Variants in ZNF804B observed in about 807,000 individuals in gnomAD.
ZNF804B encodes zinc finger protein 804B, also known as zinc finger 804B.
In ZNF804B, 80 loss-of-function variants were observed where a neutral mutation model predicts 101.4. The observed-to-expected ratio is 0.79, with a 90% CI of 0.66 to 0.95. The LOEUF (loss-of-function observed/expected upper bound fraction) is 0.95, where lower values mean the gene tolerates loss of function less well. ZNF804B is among the 40% of genes least tolerant of loss of function. ZNF804B has a pLI of 0.00. For synonymous variants in ZNF804B, 622 were observed against 558.8 expected, an observed-to-expected ratio of 1.11 and a Z score of -1.59; for missense variants, 1,673 against 1,561.9, an observed-to-expected ratio of 1.07 and a Z score of -1.20.
rs1196833256 is a variant in ZNF804B, at chr7:89,334,453, G to T, written c.1471G>T (p.Asp491Tyr). Reference sequence around the variant, plus strand: ...TAAGCTTTCTCGGAACACAAAGGAAGACCACAATCTAGAGGACTTAAAAAC... The same window carrying T: ...TAAGCTTTCTCGGAACACAAAGGAATACCACAATCTAGAGGACTTAAAAAC... Reference protein sequence around the residue: ...DFKLSRNTKEDHNLEDLKTEL... With the variant: ...DFKLSRNTKEYHNLEDLKTEL... The change falls in exon 4 of 4, where the codon GAC becomes TAC. Residue 491 changes from aspartate (D) to tyrosine (Y), a missense_variant. By Grantham distance (160) the Asp-to-Tyr change is radical. Coordinates refer to ENST00000333190, the MANE Select transcript of ZNF804B (RefSeq NM_181646.5). The T allele has an allele frequency of 6.2e-7, 1 of 1,613,540 alleles. No homozygotes were observed. Among genetic ancestry groups the T allele is most frequent in the African/African-American group, 1.3e-5 (1 of 74,864 alleles).
chr7:89,062,449 C>T (rs1398749092), intron 1 of ZNF804B, among the ~76,000 whole-genome samples: 1 of 152,044 alleles, frequency 6.6e-6, no homozygotes, highest in Non-Finnish European at 1.5e-5. Flanking sequence ...CTCCTCTCTG[C>T]GTTTTCTTGG....
At chr7:89,117,842 A>G (rs1790334138) in intron 1 of ZNF804B, among the ~76,000 whole-genome samples, 1 of 152,190 alleles carries the variant, frequency 6.6e-6, no homozygotes, top group Non-Finnish European at 1.5e-5. Flanking sequence ...CTTTAAAACT[A>G]TTCCAGAAAA....
At chr7:88,994,337 C>A (rs1034306838) in intron 1 of ZNF804B, among the ~76,000 whole-genome samples, 2 of 151,848 alleles carry the variant, frequency 1.3e-5, no homozygotes, top group African/African-American at 4.8e-5. Context: ...TGCAAAAGCT[C>A]TTTTGTACTC....
At chr7:89,192,903 T>A (rs1310737582) in intron 1 of ZNF804B, among the ~76,000 whole-genome samples, 3 of 152,096 alleles carry the variant, frequency 2.0e-5, no homozygotes, top group African/African-American at 7.2e-5. Context: ...ACTAACCACA[T>A]GATTATCTCA....
intron 1 of ZNF804B, among the ~76,000 whole-genome samples, chr7:89,088,929 C>T (rs1318346211): frequency 2.0e-5 from 3 of 151,892 alleles, no homozygotes; most frequent in African/African-American, 7.3e-5. Flanking sequence ...CCATGGCCAG[C>T]CCAGCAAGGC....
Position 88,799,764 on chromosome 7 carries a change from T to A in ZNF804B, c.108+39680T>A, listed in dbSNP as rs372080921. ...TGATGAAATGTACATGAATCTGAGA[T>A]GTTCTTGAGACAGAGCAGGGAAAAA... On this transcript the variant is annotated intron_variant, in intron 1 of 3. Coordinates refer to ENST00000333190, the MANE Select transcript of ZNF804B (RefSeq NM_181646.5). Among the ~76,000 whole-genome samples the A allele has an allele frequency of 3.1e-4, 47 of 152,196 alleles. 2 individuals carry two copies. Among genetic ancestry groups the A allele is most frequent in the African/African-American group, 1.0e-3 (43 of 41,556 alleles).
At chr7:89,085,646 T>C (rs373602234) in intron 1 of ZNF804B, among the ~76,000 whole-genome samples, 2 of 151,934 alleles carry the variant, frequency 1.3e-5, no homozygotes, top group African/African-American at 4.8e-5. Flanking sequence ...AGTGTCTCTG[T>C]GACACTCTGC....
intron 1 of ZNF804B, among the ~76,000 whole-genome samples, chr7:88,968,350 A>T (rs1186374420): frequency 6.6e-6 from 1 of 151,580 alleles, no homozygotes; most frequent in African/African-American, 2.4e-5. Context: ...ACCCTGATTC[A>T]TCATCTTTTT....
chr7:89,209,919 C>T (rs1294961479), intron 1 of ZNF804B, among the ~76,000 whole-genome samples: 4 of 152,102 alleles, frequency 2.6e-5, no homozygotes, highest in Non-Finnish European at 5.9e-5. Flanking sequence ...GAGGCTGAGG[C>T]AGGTGGATCA....
intron 1 of ZNF804B, among the ~76,000 whole-genome samples, chr7:88,877,007 AATATATATATATATATATAATATATATAT>A (rs1562820297): frequency 1.3e-5 from 1 of 75,216 alleles, no homozygotes; most frequent in Non-Finnish European, 2.2e-5. Context: ...TGAAAAAAAA[AATATATATATATATATATAATATATATAT>A]ATATATATAT....
intron 2 of ZNF804B, among the ~76,000 whole-genome samples, chr7:89,225,183 A>G (rs1208289351): frequency 5.9e-5 from 9 of 152,008 alleles, no homozygotes; most frequent in Admixed American, 3.9e-4. Flanking sequence ...TGTTGCCACT[A>G]TCAGTGGGGG....
chr7:89,076,351 C>A (rs1789615092), intron 1 of ZNF804B, among the ~76,000 whole-genome samples: 1 of 151,696 alleles, frequency 6.6e-6, no homozygotes, highest in African/African-American at 2.4e-5. Flanking sequence ...CTCATAAGAT[C>A]TGATGTTTTT....
At chr7:89,192,928 G>C (rs934596622) in intron 1 of ZNF804B, among the ~76,000 whole-genome samples, 2 of 151,900 alleles carry the variant, frequency 1.3e-5, no homozygotes, top group South Asian at 2.1e-4. Context: ...ATGCAGAAAT[G>C]GCCTTCAAAA....
intron 1 of ZNF804B, among the ~76,000 whole-genome samples, chr7:89,156,238 C>G (rs1178677370): frequency 6.6e-6 from 1 of 151,868 alleles, no homozygotes; most frequent in African/African-American, 2.4e-5. Context: ...CTCAGCCTCC[C>G]GAGTAGCTGG....
At chr7:88,926,936 T>TGGGGG (rs200969350) in intron 1 of ZNF804B, among the ~76,000 whole-genome samples, 20 of 85,376 alleles carry the variant, frequency 2.3e-4, no homozygotes, top group East Asian at 2.1e-3. Context: ...TGCCGGGTGG[T>TGGGGG]GGGGAGCGGG....
intron 2 of ZNF804B, among the ~76,000 whole-genome samples, chr7:89,318,888 G>A (rs1214159065): frequency 6.6e-6 from 1 of 151,740 alleles, no homozygotes; most frequent in East Asian, 1.9e-4. Context: ...TGACAGCCCC[G>A]AACAGAGATT....
intron 1 of ZNF804B, among the ~76,000 whole-genome samples, chr7:88,954,924 G>A (rs1181952510): frequency 6.6e-6 from 1 of 151,418 alleles, no homozygotes; most frequent in East Asian, 2.0e-4. Flanking sequence ...ATTAAGTATA[G>A]CGAGGGAAGA....
chr7:88,847,827 T>G (rs1391122067), intron 1 of ZNF804B, among the ~76,000 whole-genome samples: 1 of 152,196 alleles, frequency 6.6e-6, no homozygotes, highest in African/African-American at 2.4e-5. Context: ...TTGTTGTGGT[T>G]GTTTTTCAGT....
intron 2 of ZNF804B, among the ~76,000 whole-genome samples, chr7:89,229,218 G>A (rs1261207568): frequency 6.6e-6 from 1 of 152,222 alleles, no homozygotes; most frequent in Non-Finnish European, 1.5e-5. Context: ...TGCCGCCAAA[G>A]TGGAAGCCCA....
Sources: allele counts gnomAD v4.1 joint callset (sites outside exome capture counted in the v4.1 genomes callset), GRCh38; gene constraint gnomAD v4.1.1; transcripts MANE v1.5; gene names NCBI Gene and HGNC (gene_info 2026-07-23, HGNC 2026-07-21).